The following RGS7 variants were observed in gnomAD, a reference collection of about 807,000 sequenced individuals.
RGS7 encodes regulator of G-protein signaling 7.
In RGS7, 27 loss-of-function variants were observed where a neutral mutation model predicts 81.1. The ratio of observed to expected loss-of-function variants is 0.33; its 90% CI spans 0.25 to 0.46. The LOEUF is 0.46. RGS7 is among the 20% of genes least tolerant of loss of function. The probability of loss-of-function intolerance (pLI) is 1.00; values close to 1 mark genes in which losing one functional copy is unlikely to be tolerated. For missense variants in RGS7, 396 were observed against 607.4 expected, an observed-to-expected ratio of 0.65 and a Z score of 3.66; for synonymous variants, 208 against 207.7, an observed-to-expected ratio of 1.00 and a Z score of -0.01.
At chr1:240,972,849 A>C (rs1420873364) in intron 4 of RGS7, among the ~76,000 whole-genome samples, 2 of 43,908 alleles carry the variant, frequency 4.6e-5, no homozygotes, top group African/African-American at 1.7e-4. Context: ...CCCGCCTCTC[A>C]AAAAAAAAAA....
In RGS7 at chr1:240,968,542, G is replaced by A. The variant is rs575158928; in HGVS notation, c.226+14537C>T. On this transcript the variant is annotated intron_variant, in intron 4 of 18. Transcript: ENST00000440928. Reference sequence around the variant, plus strand: ...CCAATCACTTGAATTTAATATAACTGCAAAATTAAAAAAAAAAAGCATTTT... The same window carrying A: ...CCAATCACTTGAATTTAATATAACTACAAAATTAAAAAAAAAAAGCATTTT... Among the ~76,000 whole-genome samples the A allele has an allele frequency of 2.8e-3, 194 of 68,602 alleles. 2 individuals are homozygous for A. Among genetic ancestry groups the A allele is most frequent in the African/African-American group, 6.6e-3 (186 of 28,092 alleles). The allele number at this position is 68,602 out of a possible 152,430, so 45.0% of individuals were successfully genotyped here. A position where few individuals can be genotyped will look rare whatever the true frequency, so the allele number is the denominator to read the frequency against.
At chr1:240,781,539 G>A (rs1273355855) in intron 18 of RGS7, among the ~76,000 whole-genome samples, 3 of 152,186 alleles carry the variant, frequency 2.0e-5, no homozygotes, top group African/African-American at 7.2e-5. Flanking sequence ...CCCAGGAGGC[G>A]GAGGTTGCAG....
intron 2 of RGS7, among the ~76,000 whole-genome samples, chr1:241,138,249 A>G (rs1185622367): frequency 6.6e-6 from 1 of 152,194 alleles, no homozygotes; most frequent in Admixed American, 6.5e-5. Flanking sequence ...ATTTAATATA[A>G]TCAAGAACCA....
intron 9 of RGS7, among the ~76,000 whole-genome samples, chr1:240,832,118 C>G (rs1219266272): frequency 6.6e-6 from 1 of 152,146 alleles, no homozygotes; most frequent in African/African-American, 2.4e-5. Context: ...TAGCTGGCAC[C>G]AGACCTTCGT....
intron 9 of RGS7, among the ~76,000 whole-genome samples, chr1:240,863,300 C>A (rs1662585509): frequency 6.6e-6 from 1 of 151,988 alleles, no homozygotes; most frequent in African/African-American, 2.4e-5. Flanking sequence ...ATGGTGAAAC[C>A]CCGTCTCTAC....
At chr1:240,943,283 G>A (rs547816683) in intron 4 of RGS7, among the ~76,000 whole-genome samples, 3 of 152,198 alleles carry the variant, frequency 2.0e-5, no homozygotes, top group Non-Finnish European at 4.4e-5. Flanking sequence ...TCATTTGCTG[G>A]CTGTGTGACC....
intron 2 of RGS7, among the ~76,000 whole-genome samples, chr1:241,230,908 A>G (rs564089394): frequency 6.6e-6 from 1 of 152,340 alleles, no homozygotes; most frequent in South Asian, 2.1e-4. Context: ...GGGACATTGT[A>G]GTGGACATCA....
chr1:241,131,028 T>A (rs1239358427), intron 2 of RGS7, among the ~76,000 whole-genome samples: 1 of 152,152 alleles, frequency 6.6e-6, no homozygotes, highest in East Asian at 1.9e-4. Context: ...CACATTAACT[T>A]TGTTACAGAG....
chr1:241,282,790 G>C (rs768592191), intron 2 of RGS7, among the ~76,000 whole-genome samples: 1 of 152,060 alleles, frequency 6.6e-6, no homozygotes, highest in Non-Finnish European at 1.5e-5. Context: ...GTTAAATTTT[G>C]TCACATGCTT....
intron 18 of RGS7, among the ~76,000 whole-genome samples, chr1:240,786,576 A>C (rs562949771): frequency 9.8e-5 from 15 of 152,326 alleles, no homozygotes; most frequent in African/African-American, 3.4e-4. Context: ...ACACAAATAC[A>C]GTTTATACAG....
chr1:241,156,092 A>G (rs1409121473), intron 2 of RGS7, among the ~76,000 whole-genome samples: 1 of 151,898 alleles, frequency 6.6e-6, no homozygotes, highest in Non-Finnish European at 1.5e-5. Context: ...ACACACACAC[A>G]CACACACACA....
At chr1:241,311,802 G>A (rs1164152506) in intron 2 of RGS7, among the ~76,000 whole-genome samples, 5 of 152,160 alleles carry the variant, frequency 3.3e-5, no homozygotes, top group Non-Finnish European at 7.4e-5. Flanking sequence ...AGAACTGACT[G>A]TATCATGATA....
chr1:241,249,334 C>A (rs1340601789), intron 2 of RGS7, among the ~76,000 whole-genome samples: 1 of 150,914 alleles, frequency 6.6e-6, no homozygotes. Context: ...TTTGACTATA[C>A]CTAATTTATC....
At chr1:240,866,384 A>G (rs563355962) in intron 9 of RGS7, among the ~76,000 whole-genome samples, 3 of 152,108 alleles carry the variant, frequency 2.0e-5, no homozygotes, top group Non-Finnish European at 4.4e-5. Flanking sequence ...GGCGGTGGGC[A>G]CCTGTAGTCC....
intron 3 of RGS7, among the ~76,000 whole-genome samples, chr1:241,080,788 A>C (rs1001020698): frequency 6.6e-6 from 1 of 152,220 alleles, no homozygotes; most frequent in Non-Finnish European, 1.5e-5. Context: ...TTAATTACAT[A>C]GGCTAAGTAA....
At position 241,164,683 on chromosome 1, in the gene RGS7, T is replaced by A. The variant is rs916451674; in HGVS notation, c.79-65921A>T. On this transcript the variant is annotated intron_variant, in intron 2 of 18. Coordinates refer to ENST00000440928, the MANE Select transcript of RGS7 (RefSeq NM_001364886.1). The surrounding 1 kb of genome is among the most constrained non-coding windows in gnomAD (Gnocchi z 4.1). ...GAAGTCAGATATCTGAACATTAATGTGAAATTTTCCATGTTTAAAAAATAC... is the reference window on the plus strand; with the variant it reads ...GAAGTCAGATATCTGAACATTAATGAGAAATTTTCCATGTTTAAAAAATAC... 2.0e-5 allele frequency among the ~76,000 whole-genome samples: 3 copies of A among 152,302 alleles called. No individual in the cohort carries two copies. In the East Asian group the frequency reaches 5.8e-4, roughly 29 times the overall value.
At position 240,824,640 on chromosome 1, in the gene RGS7, C is replaced by T. The variant is rs1048010420; in HGVS notation, c.684+2458G>A. The stretch of plus-strand genomic sequence containing the variant: ...GGTATTCACTGACAAAATGCAGTGG[C>T]AATCACAAGCACGAATCACGTACAC... On this transcript the variant is annotated intron_variant, in intron 10 of 18. Coordinates refer to ENST00000440928, the MANE Select transcript of RGS7 (RefSeq NM_001364886.1). 2.0e-5 allele frequency among the ~76,000 whole-genome samples: 3 copies of T among 152,188 alleles called. 1 individual carries two copies. The South Asian group carries it at 6.2e-4, about 32-fold the overall frequency.
At chr1:241,330,942 C>G (rs983443966) in intron 2 of RGS7, among the ~76,000 whole-genome samples, 1 of 152,102 alleles carries the variant, frequency 6.6e-6, no homozygotes, top group East Asian at 1.9e-4. Context: ...TTTTAAAAAC[C>G]CTGTTTGTAT....
At chr1:241,260,335 C>T (rs992371069) in intron 2 of RGS7, among the ~76,000 whole-genome samples, 2 of 152,184 alleles carry the variant, frequency 1.3e-5, no homozygotes, top group African/African-American at 4.8e-5. Flanking sequence ...GTCAAGGCAG[C>T]CCTAAATACC....
Sources: allele counts gnomAD v4.1 joint callset (sites outside exome capture counted in the v4.1 genomes callset), GRCh38; gene constraint gnomAD v4.1.1; non-coding constraint Gnocchi (gnomAD v3.1); transcripts MANE v1.5; gene names NCBI Gene and HGNC (gene_info 2026-07-23, HGNC 2026-07-21).